Variants in DOCK4 observed in about 807,000 individuals in gnomAD.
The protein encoded by DOCK4 is dedicator of cytokinesis 4, also known as dedicator of cytokinesis protein 4.
A neutral mutation model predicts 268.1 loss-of-function variants in DOCK4; 97 were observed. That is an observed-to-expected ratio of 0.36 (90% CI 0.31 to 0.43). DOCK4 has a LOEUF of 0.43. Among genes scored for constraint, DOCK4 ranks in the 20% least tolerant of loss-of-function variants. The pLI is 1.00. For missense variants in DOCK4, 2,145 were observed against 2,455.7 expected (o/e 0.87, Z 2.67); for synonymous variants, 954 against 887.2 (o/e 1.08, Z -1.34).
intron 12 of DOCK4, among the ~76,000 whole-genome samples, chr7:111,925,849 A>T (rs752035905): frequency 6.6e-6 from 1 of 152,076 alleles, no homozygotes; most frequent in African/African-American, 2.4e-5. Context: ...GGACTTTGGG[A>T]GGGCAAGGTG....
intron 51 of DOCK4, among the ~76,000 whole-genome samples, chr7:111,733,018 C>T (rs181601407): frequency 1.3e-5 from 2 of 152,322 alleles, no homozygotes; most frequent in Admixed American, 6.5e-5. Context: ...ATAGCAAATC[C>T]AGCTCTCTAA....
intron 15 of DOCK4, among the ~76,000 whole-genome samples, chr7:111,898,076 T>C (rs1056283734): frequency 6.6e-6 from 1 of 152,198 alleles, no homozygotes; most frequent in African/African-American, 2.4e-5. Flanking sequence ...CTATAATCTA[T>C]TATCCCATAC....
intron 39 of DOCK4, among the ~76,000 whole-genome samples, chr7:111,762,770 T>G (rs1290271939): frequency 8.3e-6 from 1 of 120,974 alleles, no homozygotes; most frequent in Non-Finnish European, 1.7e-5. Context: ...TTCTTTTTTT[T>G]TTTTTTTTTT....
chr7:111,822,881 A>G (rs1319780004), intron 26 of DOCK4, among the ~76,000 whole-genome samples: 2 of 152,234 alleles, frequency 1.3e-5, no homozygotes, highest in Non-Finnish European at 2.9e-5. Context: ...GTCAAATTTT[A>G]GAAAGTTATG....
chr7:111,873,444 C>A (rs534278159), intron 17 of DOCK4, among the ~76,000 whole-genome samples: 2 of 152,314 alleles, frequency 1.3e-5, no homozygotes, highest in South Asian at 4.1e-4. Context: ...ACGCGCAGGG[C>A]AGCGGGACCT....
At chr7:111,877,521 A>G (rs1202776020) in intron 16 of DOCK4, among the ~76,000 whole-genome samples, 2 of 152,216 alleles carry the variant, frequency 1.3e-5, no homozygotes, top group Non-Finnish European at 2.9e-5. Context: ...AGCCTTTAAC[A>G]CAGTCCTGAT....
chr7:111,809,526 A>G (rs926266617), intron 28 of DOCK4, 125 bp from the exon 29 acceptor site: 2 of 682,504 alleles, frequency 2.9e-6, no homozygotes, highest in African/African-American at 3.6e-5. Flanking sequence ...ACTGACCATG[A>G]GTTGATAATA....
intron 1 of DOCK4, among the ~76,000 whole-genome samples, chr7:112,106,810 G>A (rs749969712): frequency 1.3e-5 from 2 of 151,886 alleles, no homozygotes; most frequent in Admixed American, 6.6e-5. Flanking sequence ...CCTTTTTTTC[G>A]ACCTTGAGTT....
intron 8 of DOCK4, among the ~76,000 whole-genome samples, chr7:111,961,451 G>A (rs17159060): frequency 0.011 from 1,649 of 152,284 alleles, 17 homozygotes; most frequent in East Asian, 0.049. Context: ...ATGAACTAGT[G>A]AATGGGTAGA....
At chr7:112,027,128 CTT>C (rs1802867269) in intron 1 of DOCK4, among the ~76,000 whole-genome samples, 1 of 152,182 alleles carries the variant, frequency 6.6e-6, no homozygotes, top group Non-Finnish European at 1.5e-5. Flanking sequence ...ATCTGAGACT[CTT>C]ACAGAATTCT....
At chr7:112,103,873 C>T (rs1363858349) in intron 1 of DOCK4, among the ~76,000 whole-genome samples, 3 of 152,158 alleles carry the variant, frequency 2.0e-5, no homozygotes, top group Non-Finnish European at 2.9e-5. Context: ...CAGAGAGAAA[C>T]TCTGTCTCAA....
At chr7:111,745,726 A>C in intron 44 of DOCK4, among the ~76,000 whole-genome samples, 1 of 144,698 alleles carries the variant, frequency 6.9e-6, no homozygotes, top group South Asian at 2.2e-4. Flanking sequence ...CATCAAGCCT[A>C]CAGCAAGTCT....
chr7:111,993,482 G>A (rs894155350), intron 5 of DOCK4, among the ~76,000 whole-genome samples: 13 of 152,108 alleles, frequency 8.5e-5, no homozygotes, highest in African/African-American at 3.1e-4. Flanking sequence ...TGTGGGGTGA[G>A]TACTTCACTC....
chr7:111,891,812 C>T (rs141512660), intron 16 of DOCK4, among the ~76,000 whole-genome samples: 47 of 152,270 alleles, frequency 3.1e-4, no homozygotes, highest in African/African-American at 8.4e-4. Context: ...TTAACTTAAA[C>T]GGATTTCTTT....
At chr7:111,974,503 TGTGTGTGTGTG>T (rs1421001526) in intron 8 of DOCK4, among the ~76,000 whole-genome samples, 5 of 102,458 alleles carry the variant, frequency 4.9e-5, no homozygotes, top group African/African-American at 2.3e-4. Flanking sequence ...TGTGTGTGTG[TGTGTGTGTGTG>T]TGTGTGTGTG....
rs191930731 is a variant in DOCK4 at position 112,096,432 on chromosome 7, C to T, written c.38-92301G>A. 1.2e-3 allele frequency among the ~76,000 whole-genome samples: 178 copies of T among 152,290 alleles called. 2 individuals are homozygous for T. The highest frequency in any genetic ancestry group is 3.1e-3 in the Admixed American group (47 of 15,292). Reference sequence around the variant, plus strand: ...TCCTAGGCTCAAGCAATTCTCCCACCTTAGCCTCCCAAAGTGCTGGGATTA... The same window carrying T: ...TCCTAGGCTCAAGCAATTCTCCCACTTTAGCCTCCCAAAGTGCTGGGATTA... On this transcript the variant is annotated intron_variant, in intron 1 of 52. Coordinates refer to ENST00000428084, the MANE Select transcript of DOCK4 (RefSeq NM_001363540.2).
rs777035314 is a variant in DOCK4 at position 111,772,285 on chromosome 7, G to A, written c.3680-2608C>T. 6.6e-5 allele frequency among the ~76,000 whole-genome samples: 10 copies of A among 152,018 alleles called. 1 individual carries two copies. The South Asian group carries it at 1.2e-3, about 19-fold the overall frequency. ...AAATTAGCTAGGTGTGGTGGCATAC[G>A]CCTGTAGTCCCAGCTACTTGGGAGG... is the stretch of plus-strand genomic sequence containing the variant. On this transcript the variant is annotated intron_variant, in intron 36 of 52. Coordinates refer to ENST00000428084, the MANE Select transcript of DOCK4 (RefSeq NM_001363540.2).
chr7:112,145,865 G>A (rs1815433275), intron 1 of DOCK4, among the ~76,000 whole-genome samples: 1 of 152,046 alleles, frequency 6.6e-6, no homozygotes, highest in Non-Finnish European at 1.5e-5. Context: ...GAGGGTGTGA[G>A]AGCAAGTATG....
At chr7:112,191,922 T>C (rs1819984090) in intron 1 of DOCK4, among the ~76,000 whole-genome samples, 1 of 149,190 alleles carries the variant, frequency 6.7e-6, no homozygotes, top group Non-Finnish European at 1.5e-5. Flanking sequence ...TTAAATTATA[T>C]ACTATATAAC....
Sources: allele counts gnomAD v4.1 joint callset (sites outside exome capture counted in the v4.1 genomes callset), GRCh38; gene constraint gnomAD v4.1.1; transcripts MANE v1.5; gene names NCBI Gene and HGNC (gene_info 2026-07-23, HGNC 2026-07-21).